Variants in ZBTB20 observed in about 807,000 individuals in gnomAD.
The protein encoded by ZBTB20 is zinc finger and BTB domain-containing protein 20.
ZBTB20 carries 9 observed loss-of-function variants against 56.9 expected under a neutral mutation model. The ratio of observed to expected loss-of-function variants is 0.16; its 90% CI spans 0.10 to 0.28. The LOEUF is 0.28. Among genes scored for constraint, ZBTB20 ranks in the 10% least tolerant of loss-of-function variants. The pLI is 1.00. For missense variants in ZBTB20, 655 were observed against 1,003.0 expected, an observed-to-expected ratio of 0.65 and a Z score of 4.69; for synonymous variants, 417 against 420.7, an observed-to-expected ratio of 0.99 and a Z score of 0.11.
intron 3 of ZBTB20, among the ~76,000 whole-genome samples, chr3:114,968,568 GGGA>G (rs2077743937): frequency 6.6e-6 from 1 of 152,050 alleles, no homozygotes. Context: ...ACATCCAAAA[GGGA>G]GCATAATGAA....
At chr3:114,419,169 T>C (rs974817526) in intron 7 of ZBTB20, 1 of 152,124 alleles carries the variant, frequency 6.6e-6, no homozygotes, top group Admixed American at 6.6e-5. Context: ...ACCAGTTCCC[T>C]GGAAAATACA....
At chr3:114,763,631 A>T (rs930969837) in intron 5 of ZBTB20, among the ~76,000 whole-genome samples, 1 of 152,198 alleles carries the variant, frequency 6.6e-6, no homozygotes, top group Non-Finnish European at 1.5e-5. Context: ...TAAAATGAGA[A>T]TAGTCATCTT....
At chr3:114,871,597 T>C (rs116384377) in intron 4 of ZBTB20, among the ~76,000 whole-genome samples, 2,856 of 152,222 alleles carry the variant, frequency 0.019, 45 homozygotes, top group Non-Finnish European at 0.032. Context: ...TCTTCAATAA[T>C]AATCAGTGAG....
intron 6 of ZBTB20, among the ~76,000 whole-genome samples, chr3:114,515,157 G>A (rs1470065544): frequency 6.6e-6 from 1 of 152,076 alleles, no homozygotes; most frequent in Middle Eastern, 3.2e-3. Context: ...TTGTAAGGCC[G>A]GGCTCCTTAC....
chr3:114,425,849 A>G (rs193293519), intron 7 of ZBTB20, among the ~76,000 whole-genome samples: 39 of 152,348 alleles, frequency 2.6e-4, no homozygotes, highest in Non-Finnish European at 4.7e-4. Flanking sequence ...TGCTATACAA[A>G]TTCTGTGTAA....
chr3:114,408,167 A>G (rs2087527188), intron 7 of ZBTB20, among the ~76,000 whole-genome samples: 1 of 152,166 alleles, frequency 6.6e-6, no homozygotes, highest in African/African-American at 2.4e-5. Context: ...TACCCATGTA[A>G]TCTATTTGTT....
intron 3 of ZBTB20, among the ~76,000 whole-genome samples, chr3:114,948,255 C>T (rs974729269): frequency 6.9e-6 from 1 of 143,942 alleles, no homozygotes; most frequent in South Asian, 2.2e-4. Flanking sequence ...ACAGACAACA[C>T]AGAAACACAC....
intron 2 of ZBTB20, among the ~76,000 whole-genome samples, chr3:115,014,222 C>T (rs1484712996): frequency 6.6e-6 from 1 of 151,268 alleles, no homozygotes; most frequent in Non-Finnish European, 1.5e-5. Context: ...AATAATTGAA[C>T]CATAGAGATA....
intron 7 of ZBTB20, among the ~76,000 whole-genome samples, chr3:114,492,584 G>T (rs1244336130): frequency 1.3e-5 from 2 of 152,024 alleles, no homozygotes; most frequent in African/African-American, 2.4e-5. Flanking sequence ...CAATACTCTA[G>T]TCTGCCTCTT....
At chr3:114,842,783 A>G (rs1310166483) in intron 4 of ZBTB20, among the ~76,000 whole-genome samples, 1 of 151,710 alleles carries the variant, frequency 6.6e-6, no homozygotes, top group Non-Finnish European at 1.5e-5. Context: ...ATCCTCTTGT[A>G]TTTTTCAAAA....
At chr3:114,433,153 G>T (rs569244247) in intron 7 of ZBTB20, among the ~76,000 whole-genome samples, 5 of 152,270 alleles carry the variant, frequency 3.3e-5, no homozygotes, top group Admixed American at 3.3e-4. Context: ...AGAAAAAAAA[G>T]ATTTTCCTTC....
intron 5 of ZBTB20, among the ~76,000 whole-genome samples, chr3:114,718,105 G>T (rs901554801): frequency 6.6e-6 from 1 of 152,018 alleles, no homozygotes; most frequent in Non-Finnish European, 1.5e-5. Context: ...CTTATTCTTG[G>T]TTTGGCTTGA....
intron 5 of ZBTB20, among the ~76,000 whole-genome samples, chr3:114,758,525 C>T (rs781771559): frequency 6.1e-4 from 93 of 152,024 alleles, no homozygotes; most frequent in Non-Finnish European, 3.5e-4. Context: ...CAAATATGTT[C>T]GAAACACTGT....
intron 5 of ZBTB20, among the ~76,000 whole-genome samples, chr3:114,796,985 T>C (rs182410781): frequency 6.6e-6 from 1 of 151,992 alleles, no homozygotes; most frequent in East Asian, 1.9e-4. Context: ...ATGACAGATG[T>C]GATCACATCC....
At chr3:114,805,985 T>G (rs1191498349) in intron 4 of ZBTB20, among the ~76,000 whole-genome samples, 1 of 151,948 alleles carries the variant, frequency 6.6e-6, no homozygotes, top group South Asian at 2.1e-4. Flanking sequence ...CACATTTTAT[T>G]TATCCATGCA....
intron 10 of ZBTB20, among the ~76,000 whole-genome samples, chr3:114,368,394 C>G (rs1226944835): frequency 6.6e-6 from 1 of 152,142 alleles, no homozygotes; most frequent in African/African-American, 2.4e-5. Flanking sequence ...AGTCTGTTAT[C>G]ATACCTGCCC....
At chr3:114,347,262 T>C (rs533445434) in intron 11 of ZBTB20, among the ~76,000 whole-genome samples, 2 of 152,214 alleles carry the variant, frequency 1.3e-5, no homozygotes, top group African/African-American at 4.8e-5. Context: ...TATTAAACTT[T>C]GGAGTTACTG....
At chr3:114,903,883 TA>T (rs945623291) in intron 3 of ZBTB20, among the ~76,000 whole-genome samples, 1 of 150,690 alleles carries the variant, frequency 6.6e-6, no homozygotes, top group Non-Finnish European at 1.5e-5. Context: ...CAACTCTAAG[TA>T]AAAAAAAACG....
At chr3:115,063,410 C>A (rs150778973) in intron 2 of ZBTB20, among the ~76,000 whole-genome samples, 2 of 152,242 alleles carry the variant, frequency 1.3e-5, no homozygotes, top group East Asian at 3.9e-4. Context: ...CTTCTCACTG[C>A]GTCCTCACAT....
Sources: gnomAD v4.1 joint callset for allele counts (sites outside exome capture counted in the v4.1 genomes callset) on GRCh38, gnomAD v4.1.1 for gene constraint, MANE v1.5 for transcripts, NCBI Gene and HGNC (gene_info 2026-07-23, HGNC 2026-07-21) for gene names.